Variants in SUGCT observed in about 807,000 individuals in gnomAD.
SUGCT encodes succinyl-CoA:glutarate CoA-transferase.
Under a neutral mutation model 55.0 loss-of-function variants are expected in SUGCT, and 41 were observed. The observed-to-expected ratio is 0.74, with a 90% CI of 0.58 to 0.97. The LOEUF is 0.97. Ranked by LOEUF, SUGCT falls within the 50% of genes least tolerant of loss-of-function variation. The pLI is 0.00. For synonymous variants in SUGCT, 187 were observed against 200.4 expected (o/e 0.93, Z 0.56); for missense variants, 568 against 547.8 (o/e 1.04, Z -0.37).
intron 12 of SUGCT, among the ~76,000 whole-genome samples, chr7:40,632,485 G>A (rs1383724965): frequency 6.8e-6 from 1 of 147,190 alleles, no homozygotes; most frequent in Admixed American, 6.9e-5. Context: ...TTCATCATCT[G>A]TACTTTATTT....
chr7:40,437,429 C>A (rs1339696150), intron 9 of SUGCT, among the ~76,000 whole-genome samples: 1 of 152,088 alleles, frequency 6.6e-6, no homozygotes, highest in Non-Finnish European at 1.5e-5. Context: ...TTACCTAATT[C>A]AAAGCAAGGG....
intron 13 of SUGCT, among the ~76,000 whole-genome samples, chr7:40,835,042 T>C (rs1792889730): frequency 6.6e-6 from 1 of 152,234 alleles, no homozygotes; most frequent in South Asian, 2.1e-4. Context: ...ATTGAGATGA[T>C]AGAAATGTCT....
chr7:40,468,403 A>G (rs568706329), intron 11 of SUGCT, among the ~76,000 whole-genome samples: 2 of 151,924 alleles, frequency 1.3e-5, no homozygotes, highest in South Asian at 2.1e-4. Flanking sequence ...CCCCTTTCCT[A>G]AATCCTCAAT....
At chr7:40,925,514 T>C in the SUGCT span, among the ~76,000 whole-genome samples, 3 of 152,218 alleles carry the variant, frequency 2.0e-5, no homozygotes, top group Non-Finnish European at 4.4e-5. Context: ...ATTAGCTCTA[T>C]TTAATTTTAA....
At chr7:40,496,815 T>C (rs1184771857) in intron 12 of SUGCT, among the ~76,000 whole-genome samples, 1 of 152,194 alleles carries the variant, frequency 6.6e-6, no homozygotes, top group East Asian at 1.9e-4. Flanking sequence ...TCTGATCATA[T>C]GATTATCTTA....
intron 9 of SUGCT, among the ~76,000 whole-genome samples, chr7:40,436,648 T>C (rs1050210888): frequency 2.6e-5 from 4 of 152,148 alleles, no homozygotes; most frequent in African/African-American, 7.2e-5. Context: ...ATATGGTACA[T>C]AGATGGTACA....
At chr7:40,382,388 A>G (rs207467805) in intron 9 of SUGCT, among the ~76,000 whole-genome samples, 1 of 152,148 alleles carries the variant, frequency 6.6e-6, no homozygotes, top group African/African-American at 2.4e-5. Flanking sequence ...TAGTCCCTTG[A>G]GGGCACATGA....
At chr7:40,764,871 A>G (rs1391879825) in intron 13 of SUGCT, among the ~76,000 whole-genome samples, 1 of 152,172 alleles carries the variant, frequency 6.6e-6, no homozygotes, top group Non-Finnish European at 1.5e-5. Flanking sequence ...TCTTCCAAGC[A>G]TGCCACAGGT....
chr7:40,509,680 A>G (rs1446947967), intron 12 of SUGCT, among the ~76,000 whole-genome samples: 3 of 152,030 alleles, frequency 2.0e-5, no homozygotes, highest in African/African-American at 7.3e-5. Flanking sequence ...TCTGCTTTTC[A>G]GGGCTCACTT....
intron 1 of SUGCT, among the ~76,000 whole-genome samples, chr7:40,180,528 C>T (rs377670608): frequency 1.3e-5 from 2 of 149,732 alleles, no homozygotes; most frequent in South Asian, 2.1e-4. Context: ...CTTGCTCTGT[C>T]GCCCAGGCTG....
chr7:40,390,423 C>A (rs1361336781), intron 9 of SUGCT, among the ~76,000 whole-genome samples: 2 of 152,132 alleles, frequency 1.3e-5, no homozygotes, highest in African/African-American at 2.4e-5. Flanking sequence ...AGCTGATAAG[C>A]AACTTCAGCA....
At chr7:40,579,126 C>CT (rs892604141) in intron 12 of SUGCT, among the ~76,000 whole-genome samples, 206 of 147,170 alleles carry the variant, frequency 1.4e-3, no homozygotes, top group African/African-American at 4.2e-3. Context: ...TGGACTACTT[C>CT]TTTTTTTTTT....
At chr7:40,358,859 A>T (rs1361532909) in intron 9 of SUGCT, among the ~76,000 whole-genome samples, 1 of 152,202 alleles carries the variant, frequency 6.6e-6, no homozygotes, top group African/African-American at 2.4e-5. Context: ...CCATGTTAGG[A>T]TATTTTAACT....
In SUGCT at chr7:40,613,614, A is replaced by T. The variant is rs548949974; in HGVS notation, c.1089+117228A>T. Reference sequence around the variant, plus strand: ...CCTTCCCAGTCTTATCCTGCACCCAATTTTTTTTTTTTTTGAGATGGAGTC... The same window carrying T: ...CCTTCCCAGTCTTATCCTGCACCCATTTTTTTTTTTTTTTGAGATGGAGTC... On this transcript the variant is annotated intron_variant, in intron 12 of 13. Coordinates refer to ENST00000335693, the MANE Select transcript of SUGCT (RefSeq NM_001193313.2). Among the ~76,000 whole-genome samples the T allele has an allele frequency of 3.0e-3, 433 of 144,950 alleles. 3 individuals are homozygous for T. The highest frequency in any genetic ancestry group is 1.0e-2 in the African/African-American group (398 of 39,810).
intron 6 of SUGCT, among the ~76,000 whole-genome samples, chr7:40,197,771 A>G (rs1786369903): frequency 6.6e-6 from 1 of 152,254 alleles, no homozygotes; most frequent in Non-Finnish European, 1.5e-5. Context: ...GTCACATGGC[A>G]TAGGGTGTGG....
chr7:40,444,605 A>G (rs556000808), intron 9 of SUGCT, among the ~76,000 whole-genome samples: 2 of 152,298 alleles, frequency 1.3e-5, no homozygotes, highest in Admixed American at 6.5e-5. Flanking sequence ...GTTTCTTATC[A>G]GCTTAAGGAG....
At chr7:40,308,940 G>A (rs182765598) in intron 8 of SUGCT, among the ~76,000 whole-genome samples, 43 of 152,318 alleles carry the variant, frequency 2.8e-4, no homozygotes, top group African/African-American at 9.4e-4. Context: ...AACTTGGTAG[G>A]TGGAGGTTGC....
the SUGCT span, among the ~76,000 whole-genome samples, chr7:41,016,203 T>C: frequency 6.6e-6 from 1 of 152,234 alleles, no homozygotes; most frequent in African/African-American, 2.4e-5. Flanking sequence ...TTAGCTTTCT[T>C]AGCTCTTCAC....
chr7:40,725,949 T>C (rs1009037958), intron 12 of SUGCT, among the ~76,000 whole-genome samples: 1 of 152,084 alleles, frequency 6.6e-6, no homozygotes, highest in African/African-American at 2.4e-5. Flanking sequence ...TAGCGAAGTA[T>C]TAGAGAATCT....
Sources: allele counts gnomAD v4.1 joint callset (sites outside exome capture counted in the v4.1 genomes callset), GRCh38; gene constraint gnomAD v4.1.1; transcripts MANE v1.5; gene names NCBI Gene and HGNC (gene_info 2026-07-23, HGNC 2026-07-21).